Variants in APOL2 observed in about 807,000 individuals in gnomAD.
APOL2 encodes apolipoprotein L2, also known as apolipoprotein L, 2.
A neutral mutation model predicts 7.1 loss-of-function variants in APOL2; 8 were observed. That is an observed-to-expected ratio of 1.12 (90% CI 0.66 to 2.03). APOL2 has a LOEUF of 2.03. Among genes scored for constraint, APOL2 ranks in the 30% most tolerant of loss-of-function variants. APOL2 has a pLI of 0.00. For missense variants in APOL2, 471 were observed against 415.1 expected (o/e 1.13, Z -1.17); for synonymous variants, 177 against 159.9 (o/e 1.11, Z -0.81).
rs550014014 is a variant in APOL2 at position 36,239,076 on chromosome 22, T to A, written c.-134+365A>T. ...ATGCCGGGCTCCAGGTCACCTCCCC[T>A]CCTCCACCTTCTTTGATTCCTTCAA... is the stretch of plus-strand genomic sequence containing the variant. On this transcript the variant is annotated intron_variant, in intron 1 of 4. Transcript: ENST00000358502. The A allele has an allele frequency of 7.6e-4, 853 of 1,122,988 alleles. 16 individuals are homozygous for A. The South Asian group carries it at 0.023, about 30-fold the overall frequency. 69.6% of individuals were successfully genotyped at this position (1,122,988 alleles called of 1,614,324 possible).
At chr22:36,234,966 T>C (rs2015349089) in intron 1 of APOL2, among the ~76,000 whole-genome samples, 1 of 152,152 alleles carries the variant, frequency 6.6e-6, no homozygotes, top group Non-Finnish European at 1.5e-5. Flanking sequence ...AATGAAAATT[T>C]AAATGAGGGC....
At chr22:36,239,124 C>A in intron 1 of APOL2, 1 of 1,202,154 alleles carries the variant, frequency 8.3e-7, no homozygotes, top group East Asian at 4.0e-5. Context: ...GATGGGCACC[C>A]CCAACACCTA....
intron 4 of APOL2, among the ~76,000 whole-genome samples, chr22:36,228,959 G>T (rs942178663): frequency 1.3e-5 from 2 of 152,168 alleles, no homozygotes; most frequent in Non-Finnish European, 2.9e-5. Context: ...GGACACTAAG[G>T]CATGGGTTGA....
intron 2 of APOL2, 24 bp from the exon 3 acceptor site, chr22:36,233,265 T>C (rs763424700): frequency 6.2e-7 from 1 of 1,613,360 alleles, no homozygotes; most frequent in Admixed American, 1.7e-5. Flanking sequence ...AAACAAATTG[T>C]GGGATCGAAG....
intron 1 of APOL2, chr22:36,236,485 A>G (rs1455283570): frequency 1.0e-5 from 9 of 883,992 alleles, no homozygotes; most frequent in Non-Finnish European, 1.2e-5. Context: ...GAGGGAGTGT[A>G]CAAACAAGAT....
At chr22:36,231,039 T>C (rs943439636) in intron 4 of APOL2, among the ~76,000 whole-genome samples, 5 of 152,328 alleles carry the variant, frequency 3.3e-5, no homozygotes, top group East Asian at 3.9e-4. Flanking sequence ...ATTTTTCTCA[T>C]AATAAAACTC....
chr22:36,239,725 A>G (rs2015538615), upstream of APOL2: 1 of 553,920 alleles, frequency 1.8e-6, no homozygotes, highest in Non-Finnish European at 3.2e-6. Context: ...CCTCTCATCC[A>G]ACCCACCTGC....
At chr22:36,231,531 AT>A (rs887080579) in intron 3 of APOL2, 65 bp from the exon 4 acceptor site, 3 of 1,567,588 alleles carry the variant, frequency 1.9e-6, no homozygotes, top group Non-Finnish European at 2.6e-6. Flanking sequence ...GCCATTGCAC[AT>A]TAGGTGGTTA....
At position 36,233,191 on chromosome 22, in the gene APOL2, T is replaced by C. The variant is rs745815748; in HGVS notation, c.-29A>G. The C allele has an allele frequency of 3.1e-6, 5 of 1,613,944 alleles. No homozygotes were observed. The highest frequency in any genetic ancestry group is 4.2e-6 in the Non-Finnish European group (5 of 1,180,010). ...GCCAGCGGCTGGGTTACCGAGGGGC[T>C]TTCCTTGGAGCTCTCCAGTCACTGT... On this transcript the variant is annotated 5_prime_UTR_variant, in exon 3 of 5. Transcript: ENST00000358502.
intron 1 of APOL2, among the ~76,000 whole-genome samples, chr22:36,235,763 G>A (rs1393528431): frequency 1.4e-5 from 2 of 147,928 alleles, no homozygotes; most frequent in Non-Finnish European, 3.0e-5. Flanking sequence ...GTGGGTGTGT[G>A]TGTGTGTGTG....
At chr22:36,233,010 A>G (rs1196435002) in intron 3 of APOL2, 143 bp downstream of exon 3, 7 of 854,314 alleles carry the variant, frequency 8.2e-6, no homozygotes, top group Non-Finnish European at 1.4e-5. Context: ...GGGGGACTCC[A>G]CGTGACCTCT....
intron 1 of APOL2, chr22:36,236,758 G>C: frequency 9.6e-7 from 1 of 1,046,008 alleles, no homozygotes; most frequent in South Asian, 4.5e-5. Context: ...TCCCACCTCT[G>C]TTTCAGGGTC....
At chr22:36,239,239 C>T (rs1367612974) in intron 1 of APOL2, 2 of 1,370,772 alleles carry the variant, frequency 1.5e-6, no homozygotes, top group Admixed American at 3.1e-5. Flanking sequence ...CCTCTCTCTA[C>T]AGTTTACCCG....
chr22:36,227,582 G>A lies in APOL2; in HGVS notation c.836C>T (p.Thr279Ile), dbSNP rs200071618. The change falls in exon 5 of 5, where the codon ACT becomes ATT. Residue 279 changes from threonine to isoleucine, a missense_variant. Thr to Ile is a moderately conservative substitution (Grantham distance 89, BLOSUM62 -1). Coordinates refer to ENST00000358502, the MANE Select transcript of APOL2 (RefSeq NM_030882.4). Reference protein sequence around the residue: ...SRGTMIVGAATGGILLLLDVV... With the variant: ...SRGTMIVGAAIGGILLLLDVV... ...ATCCAGCAGAAGCAAGATGCCTCCAGTGGCTGCACCCACGATCATGGTTCC... is the reference window on the plus strand; with the variant it reads ...ATCCAGCAGAAGCAAGATGCCTCCAATGGCTGCACCCACGATCATGGTTCC... 306 of 1,614,132 alleles carry A rather than the reference G, an allele frequency of 1.9e-4. No homozygotes were observed. Among genetic ancestry groups the A allele is most frequent in the Admixed American group, 2.5e-4 (15 of 60,012 alleles).
chr22:36,237,122 G>C lies in APOL2; in HGVS notation c.-134+2319C>G, dbSNP rs2015433124. On this transcript the variant is annotated intron_variant, in intron 1 of 4. Transcript: ENST00000358502. ...CATCCTCCTGGGTCATTGTTGGCCTGGCTCCCACCTTTGTCTGGAGCCTCT... is the reference window on the plus strand; with the variant it reads ...CATCCTCCTGGGTCATTGTTGGCCTCGCTCCCACCTTTGTCTGGAGCCTCT... The C allele has an allele frequency of 4.6e-6, 7 of 1,532,782 alleles. No individual in the cohort carries two copies. The South Asian group carries it at 8.6e-5, about 19-fold the overall frequency. 94.9% of individuals were successfully genotyped at this position (1,532,782 alleles called of 1,614,324 possible).
Position 36,228,269 on chromosome 22 carries a change from T to A in APOL2, c.149A>T (p.Asp50Val). Residue 50 changes from aspartate (D) to valine (V), a missense_variant, in exon 5 of 5, where the codon GAT becomes GTT. Coordinates refer to ENST00000358502, the MANE Select transcript of APOL2 (RefSeq NM_030882.4). ...CTTGTTCAGAGCTTTACGGAGCTCA[T>A]CTGCCTCATCCCTGCACAAGGAAAG... ...AAAELPRDEA[D>V]ELRKALNKLA... 6.2e-7 allele frequency: 1 copy of A among 1,613,488 alleles called. No homozygotes were observed. Among genetic ancestry groups the A allele is most frequent in the Non-Finnish European group, 8.5e-7 (1 of 1,179,680 alleles).
At chr22:36,237,477 C>G (rs1476965981) in intron 1 of APOL2, 1 of 826,194 alleles carries the variant, frequency 1.2e-6, no homozygotes, top group Admixed American at 5.6e-5. Context: ...GGGGCTATCA[C>G]AGCTTGCTGT....
chr22:36,237,093 A>T lies in APOL2; in HGVS notation c.-134+2348T>A, dbSNP rs2015431452. On this transcript the variant is annotated intron_variant, in intron 1 of 4. Transcript: ENST00000358502. Reference sequence around the variant, plus strand: ...ATACTTGTGAGGAGCTGCATCCAGGATCCCATCCTCCTGGGTCATTGTTGG... The same window carrying T: ...ATACTTGTGAGGAGCTGCATCCAGGTTCCCATCCTCCTGGGTCATTGTTGG... 3 of 1,534,486 alleles carry T rather than the reference A, an allele frequency of 2.0e-6. No homozygotes were observed. In the South Asian group the frequency reaches 3.7e-5, roughly 19 times the overall value.
At chr22:36,238,834 G>A (rs777609206) in intron 1 of APOL2, among the ~76,000 whole-genome samples, 1 of 152,190 alleles carries the variant, frequency 6.6e-6, no homozygotes, top group Non-Finnish European at 1.5e-5. Flanking sequence ...GAAGTCCTAT[G>A]ATCTGCCTGC....
Sources: allele counts gnomAD v4.1 joint callset (sites outside exome capture counted in the v4.1 genomes callset), GRCh38; gene constraint gnomAD v4.1.1; transcripts MANE v1.5; gene names NCBI Gene and HGNC (gene_info 2026-07-23, HGNC 2026-07-21).